Variants in LRRC7 observed in about 807,000 individuals in gnomAD.
The protein encoded by LRRC7 is leucine-rich repeat-containing protein 7.
A neutral mutation model predicts 175.7 loss-of-function variants in LRRC7; 23 were observed. That is an observed-to-expected ratio of 0.13 (90% CI 0.09 to 0.19). The LOEUF (loss-of-function observed/expected upper bound fraction) is 0.19, where lower values mean the gene tolerates loss of function less well. LRRC7 is among the 10% of genes least tolerant of loss of function. The pLI, the probability that LRRC7 is intolerant of heterozygous loss-of-function variation, is 1.00. For missense variants in LRRC7, 1,354 were observed against 1,904.7 expected, an observed-to-expected ratio of 0.71 and a Z score of 5.38; for synonymous variants, 685 against 680.9, an observed-to-expected ratio of 1.01 and a Z score of -0.09.
At chr1:70,029,131 C>T (rs1374863752) in intron 18 of LRRC7, among the ~76,000 whole-genome samples, 2 of 152,212 alleles carry the variant, frequency 1.3e-5, no homozygotes, top group Middle Eastern at 3.4e-3. Flanking sequence ...CATTTTGTTG[C>T]ATTTATTAAA....
rs564989434 is a variant in LRRC7 at position 70,008,895 on chromosome 1, G to A, written c.1005-2902G>A. Reference sequence around the variant, plus strand: ...GACGTGACCGGTCACTGATCACAATGTACATCTGTTATTCACATTGTAATA... The same window carrying A: ...GACGTGACCGGTCACTGATCACAATATACATCTGTTATTCACATTGTAATA... On this transcript the variant is annotated intron_variant, in intron 11 of 26. Transcript: ENST00000651989. 5.9e-5 allele frequency among the ~76,000 whole-genome samples: 9 copies of A among 152,266 alleles called. 1 individual carries two copies. Among genetic ancestry groups the A allele is most frequent in the Admixed American group, 5.2e-4 (8 of 15,294 alleles).
intron 1 of LRRC7, among the ~76,000 whole-genome samples, chr1:69,638,813 C>G (rs984326983): frequency 1.3e-5 from 2 of 151,736 alleles, no homozygotes; most frequent in African/African-American, 4.8e-5. Flanking sequence ...TGTTTTGAAT[C>G]ACCACTTGAC....
intron 1 of LRRC7, among the ~76,000 whole-genome samples, chr1:69,576,402 G>A (rs1645951356): frequency 6.6e-6 from 1 of 152,050 alleles, no homozygotes; most frequent in Non-Finnish European, 1.5e-5. Context: ...ATATCTAGAA[G>A]CTTTGATTGC....
At chr1:69,793,727 G>T (rs1202048385) in intron 4 of LRRC7, among the ~76,000 whole-genome samples, 5 of 151,542 alleles carry the variant, frequency 3.3e-5, no homozygotes, top group Non-Finnish European at 5.9e-5. Flanking sequence ...ATTCAGTGAT[G>T]CCCTGAATTT....
chr1:70,081,104 G>A (rs1053864341), intron 24 of LRRC7, among the ~76,000 whole-genome samples: 1 of 152,176 alleles, frequency 6.6e-6, no homozygotes, highest in African/African-American at 2.4e-5. Context: ...GGCTGCATGT[G>A]ACCTGGGCAA....
At position 70,038,903 on chromosome 1, in the gene LRRC7, C is replaced by T. The variant is rs1659597490; in HGVS notation, c.3079C>T (p.His1027Tyr). The part of the protein sequence containing the change: ...ERPDKMLGPE[H>Y]GMSSMSRSQS... ...ACCGGATAAGATGCTGGGACCAGAG[C>T]ATGGTATGTCCAGTATGTCTCGAAG... The change falls in exon 21 of 27, where the codon CAT becomes TAT. Residue 1027 changes from histidine to tyrosine, a missense_variant. By Grantham distance (83) the His-to-Tyr change is moderately conservative. Around this residue, in one of 4 missense-constraint regions of LRRC7, gnomAD observed 1,032 missense variants for 1,227.2 expected, o/e 0.84. Transcript: ENST00000651989. The T allele has an allele frequency of 6.2e-7, 1 of 1,613,864 alleles. No individual in the cohort carries two copies. Among genetic ancestry groups the T allele is most frequent in the Non-Finnish European group, 8.5e-7 (1 of 1,179,992 alleles).
chr1:69,909,732 C>T (rs1295771395), intron 7 of LRRC7, among the ~76,000 whole-genome samples: 3 of 151,786 alleles, frequency 2.0e-5, no homozygotes, highest in East Asian at 1.9e-4. Context: ...CTTTGGTGAA[C>T]TTGACAATTA....
chr1:69,705,650 T>C (rs1663942003), intron 2 of LRRC7, among the ~76,000 whole-genome samples: 1 of 152,082 alleles, frequency 6.6e-6, no homozygotes, highest in Non-Finnish European at 1.5e-5. Flanking sequence ...AAACTAGCTC[T>C]AGAGTCATGG....
At chr1:69,592,081 T>C (rs1646658717) in intron 1 of LRRC7, among the ~76,000 whole-genome samples, 1 of 152,070 alleles carries the variant, frequency 6.6e-6, no homozygotes, top group African/African-American at 2.4e-5. Context: ...CATTACTTTG[T>C]GCTGCTTGCT....
chr1:69,996,716 T>C lies in LRRC7; in HGVS notation c.1004+2083T>C, dbSNP rs569814118. On this transcript the variant is annotated intron_variant, in intron 11 of 26. Coordinates refer to ENST00000651989, the MANE Select transcript of LRRC7 (RefSeq NM_001370785.2). ...CAAAGATCAGATAGTTGTAGATATG[T>C]GGCGTTATTTCTGAGGGCTCTGTTC... is the stretch of plus-strand genomic sequence containing the variant. 4.7e-4 allele frequency among the ~76,000 whole-genome samples: 71 copies of C among 152,198 alleles called. 1 individual carries two copies. In the South Asian group the frequency reaches 0.014, roughly 30 times the overall value.
Position 70,136,849 on chromosome 1 carries a change from C to A in LRRC7, c.*14962C>A, listed in dbSNP as rs1666896295. On this transcript the variant is annotated 3_prime_UTR_variant, in exon 27 of 27. Transcript: ENST00000651989. ...GGCTCAAGTGATCCACCTCAGCCTC[C>A]TGAGTAGCTGGGACTATAGGCATGC... Among the ~76,000 whole-genome samples the A allele has an allele frequency of 1.3e-5, 2 of 151,142 alleles. No individual in the cohort carries two copies. The highest frequency in any genetic ancestry group is 4.2e-4 in the South Asian group (2 of 4,770).
intron 7 of LRRC7, chr1:69,873,628 A>T (rs1352167169): frequency 2.4e-6 from 1 of 417,004 alleles, no homozygotes; most frequent in East Asian, 6.1e-5. Flanking sequence ...CCCAAACTAT[A>T]TTATGAAACC....
At chr1:69,944,541 T>C (rs1649097388) in intron 8 of LRRC7, among the ~76,000 whole-genome samples, 1 of 152,146 alleles carries the variant, frequency 6.6e-6, no homozygotes, top group East Asian at 1.9e-4. Flanking sequence ...GATTGCTGGA[T>C]CATATAGTAG....
At chr1:69,962,159 G>T (rs1413110275) in intron 8 of LRRC7, among the ~76,000 whole-genome samples, 1 of 151,870 alleles carries the variant, frequency 6.6e-6, no homozygotes, top group East Asian at 1.9e-4. Flanking sequence ...ACATTTAAAA[G>T]TGGGCAAAGG....
chr1:69,649,693 A>C (rs541844364), intron 1 of LRRC7, among the ~76,000 whole-genome samples: 1 of 152,184 alleles, frequency 6.6e-6, no homozygotes, highest in Admixed American at 6.5e-5. Flanking sequence ...CTCCATGCAC[A>C]TGCAATTCCA....
intron 8 of LRRC7, among the ~76,000 whole-genome samples, chr1:69,971,620 G>T (rs1357002944): frequency 6.6e-6 from 1 of 152,102 alleles, no homozygotes; most frequent in Non-Finnish European, 1.5e-5. Flanking sequence ...AGAAATCATA[G>T]ATGACACAAA....
intron 4 of LRRC7, among the ~76,000 whole-genome samples, chr1:69,796,008 G>A (rs924010068): frequency 2.7e-5 from 4 of 150,202 alleles, no homozygotes; most frequent in Non-Finnish European, 5.9e-5. Context: ...TGTGCACAAC[G>A]TGCAGGTTTT....
At chr1:69,781,920 G>GAAAGAAAGAAAGAAAGAA (rs1553155310) in intron 3 of LRRC7, among the ~76,000 whole-genome samples, 93 of 92,440 alleles carry the variant, frequency 1.0e-3, no homozygotes, top group African/African-American at 2.3e-3. Context: ...AAAGAAGAAA[G>GAAAGAAAGAAAGAAAGAA]AAAGAAAGAA....
At chr1:69,882,860 G>A (rs903163414) in intron 7 of LRRC7, among the ~76,000 whole-genome samples, 7 of 148,720 alleles carry the variant, frequency 4.7e-5, no homozygotes, top group African/African-American at 7.5e-5. Context: ...GAGAATATGC[G>A]GTGTTTGGTT....
Sources: gnomAD v4.1 joint callset for allele counts (sites outside exome capture counted in the v4.1 genomes callset) on GRCh38, gnomAD v4.1.1 for gene constraint, gnomAD v4.1.1 regional missense constraint, MANE v1.5 for transcripts, NCBI Gene and HGNC (gene_info 2026-07-23, HGNC 2026-07-21) for gene names.